Variants in DCC observed in about 807,000 individuals in gnomAD.
The protein encoded by DCC is netrin receptor DCC.
Under a neutral mutation model 172.5 loss-of-function variants are expected in DCC, and 58 were observed. That is an observed-to-expected ratio of 0.34 (90% CI 0.27 to 0.42). DCC has a LOEUF of 0.42. DCC is among the 10% of genes least tolerant of loss of function. The pLI is 1.00. For missense variants in DCC, 1,740 were observed against 1,791.0 expected, an observed-to-expected ratio of 0.97 and a Z score of 0.51; for synonymous variants, 709 against 644.5, an observed-to-expected ratio of 1.10 and a Z score of -1.52.
intron 2 of DCC, among the ~76,000 whole-genome samples, chr18:52,870,021 T>G (rs191810521): frequency 6.6e-6 from 1 of 151,860 alleles, no homozygotes; most frequent in Non-Finnish European, 1.5e-5. Context: ...CCCCTTTCTG[T>G]CCGCTCCTCC....
intron 1 of DCC, among the ~76,000 whole-genome samples, chr18:52,506,546 C>T (rs529812394): frequency 4.1e-4 from 62 of 152,164 alleles, no homozygotes; most frequent in African/African-American, 1.4e-3. Flanking sequence ...AAAGCAATAT[C>T]TATTGTCTGA....
At chr18:53,106,677 C>T (rs2043252692) in intron 7 of DCC, among the ~76,000 whole-genome samples, 1 of 151,836 alleles carries the variant, frequency 6.6e-6, no homozygotes, top group Non-Finnish European at 1.5e-5. Context: ...ATAAAGAACT[C>T]AGGAAAAGTC....
intron 13 of DCC, among the ~76,000 whole-genome samples, chr18:53,315,442 T>C (rs532214153): frequency 5.4e-4 from 82 of 152,338 alleles, no homozygotes; most frequent in African/African-American, 1.9e-3. Context: ...TGTGTCTTTA[T>C]AGTAGAATGA....
intron 1 of DCC, among the ~76,000 whole-genome samples, chr18:52,580,027 T>C (rs1405611337): frequency 1.3e-5 from 2 of 152,238 alleles, no homozygotes; most frequent in Admixed American, 1.3e-4. Flanking sequence ...CAACTAAAAG[T>C]TGCTATTCAC....
chr18:52,766,893 C>T (rs2037261258), intron 2 of DCC, among the ~76,000 whole-genome samples: 1 of 151,650 alleles, frequency 6.6e-6, no homozygotes, highest in Non-Finnish European at 1.5e-5. Context: ...GTTCCCTGTC[C>T]CCATCAATGG....
intron 13 of DCC, among the ~76,000 whole-genome samples, chr18:53,320,822 TAAC>T (rs2057402791): frequency 6.6e-6 from 1 of 152,198 alleles, no homozygotes; most frequent in African/African-American, 2.4e-5. Context: ...ATAATATTAA[TAAC>T]AAAGATAAGA....
chr18:52,962,903 A>C (rs2040866127), intron 5 of DCC, among the ~76,000 whole-genome samples: 2 of 146,816 alleles, frequency 1.4e-5, no homozygotes, highest in African/African-American at 5.0e-5. Flanking sequence ...GGAATTGAAC[A>C]ATGAGAACAC....
chr18:53,450,588 T>C lies in DCC; in HGVS notation c.3318T>C (p.Val1106=). Residue 1106 remains valine (V), a synonymous_variant, in exon 23 of 29, where the codon GTT becomes GTC. Transcript: ENST00000442544. The part of the protein sequence containing the change: ...SNLLVIIVVT[V]GVITVLVVVI... ...TGCTTGTGATCATTGTGGTCACCGTTGGTGTCATCACAGTGCTGGTAGTGG... is the reference window on the plus strand; with the variant it reads ...TGCTTGTGATCATTGTGGTCACCGTCGGTGTCATCACAGTGCTGGTAGTGG... 6.2e-7 allele frequency: 1 copy of C among 1,611,824 alleles called. No individual in the cohort carries two copies. The highest frequency in any genetic ancestry group is 1.1e-5 in the South Asian group (1 of 90,978).
At chr18:52,940,313 G>A (rs1389695677) in intron 5 of DCC, among the ~76,000 whole-genome samples, 1 of 152,172 alleles carries the variant, frequency 6.6e-6, no homozygotes, top group Non-Finnish European at 1.5e-5. Context: ...TCGAGGCAGA[G>A]ACCAGAGTAA....
rs562875663 is a variant in DCC, at chr18:52,735,096, C to T, written c.92-16958C>T. Among the ~76,000 whole-genome samples, 5 of 152,188 alleles carry T rather than the reference C, an allele frequency of 3.3e-5. No homozygotes were observed. The South Asian group carries it at 1.0e-3, about 32-fold the overall frequency. The stretch of plus-strand genomic sequence containing the variant: ...TTGTATTACTCTTTTAAAGATGATA[C>T]AGATGTTCTAATTTTGTATCCTTCT... On this transcript the variant is annotated intron_variant, in intron 1 of 28. Coordinates refer to ENST00000442544, the MANE Select transcript of DCC (RefSeq NM_005215.4).
intron 2 of DCC, among the ~76,000 whole-genome samples, chr18:52,832,917 T>A (rs1025175506): frequency 6.6e-6 from 1 of 152,094 alleles, no homozygotes; most frequent in Admixed American, 6.5e-5. Context: ...TTACTAAATT[T>A]TTTTTTCCAA....
intron 27 of DCC, among the ~76,000 whole-genome samples, chr18:53,522,460 A>T (rs1164081418): frequency 6.6e-6 from 1 of 152,164 alleles, no homozygotes; most frequent in Non-Finnish European, 1.5e-5. Context: ...CCTATAGCCA[A>T]GACAGTCCTA....
chr18:53,397,235 C>T, intron 17 of DCC, 73 bp from the exon 18 acceptor site: 1 of 1,421,488 alleles, frequency 7.0e-7, no homozygotes, highest in Non-Finnish European at 9.9e-7. Context: ...ATTTAATAGT[C>T]TTTTTATATG....
At chr18:53,235,934 ATAT>A (rs2056196349) in intron 12 of DCC, among the ~76,000 whole-genome samples, 1 of 152,054 alleles carries the variant, frequency 6.6e-6, no homozygotes, top group African/African-American at 2.4e-5. Context: ...ATGGTATTTA[ATAT>A]TATGGTAAAT....
intron 1 of DCC, among the ~76,000 whole-genome samples, chr18:52,364,452 G>A (rs9957322): frequency 0.11 from 16,113 of 152,060 alleles, 1,252 homozygotes; most frequent in East Asian, 0.37. Context: ...TATTGCATAT[G>A]CTGGCATAAC....
chr18:53,202,682 G>A (rs1161866993), intron 9 of DCC, among the ~76,000 whole-genome samples: 1 of 152,028 alleles, frequency 6.6e-6, no homozygotes, highest in Non-Finnish European at 1.5e-5. Context: ...AAGGCGTAGG[G>A]GACCTTCAAA....
In DCC at chr18:53,251,216, C is replaced by A. The variant is rs190391988; in HGVS notation, c.1911+35619C>A. Among the ~76,000 whole-genome samples, 234 of 152,054 alleles carry A rather than the reference C, an allele frequency of 1.5e-3. 2 individuals carry two copies. The highest frequency in any genetic ancestry group is 5.3e-3 in the African/African-American group (222 of 41,536). On this transcript the variant is annotated intron_variant, in intron 12 of 28. Transcript: ENST00000442544. ...GCACCTCTGTGATTCTGTCTGTTCA[C>A]CGCTTAAAAATTCACCATGATTTCC...
At chr18:52,695,924 G>A (rs2036005035) in intron 1 of DCC, among the ~76,000 whole-genome samples, 1 of 152,112 alleles carries the variant, frequency 6.6e-6, no homozygotes, top group Non-Finnish European at 1.5e-5. Context: ...CAGAACAACT[G>A]GTCCCAGGAA....
chr18:53,147,042 C>T (rs184783285), intron 7 of DCC, among the ~76,000 whole-genome samples: 3 of 152,254 alleles, frequency 2.0e-5, no homozygotes, highest in Admixed American at 2.0e-4. Context: ...TGCACAGCCA[C>T]AATTTATGAT....
Sources: allele counts gnomAD v4.1 joint callset (sites outside exome capture counted in the v4.1 genomes callset), GRCh38; gene constraint gnomAD v4.1.1; transcripts MANE v1.5; gene names NCBI Gene and HGNC (gene_info 2026-07-23, HGNC 2026-07-21).